DMD: variants seen among roughly 807,000 people sequenced by gnomAD.
The protein encoded by DMD is dystrophin, also known as mutant dystrophin.
A neutral mutation model predicts 330.1 loss-of-function variants in DMD; 63 were observed. The observed-to-expected ratio is 0.19, with a 90% CI of 0.16 to 0.24. The LOEUF is 0.24. DMD is among the 10% of genes least tolerant of loss of function. The pLI is 1.00. For synonymous variants in DMD, 1,223 were observed against 959.8 expected (o/e 1.27, Z -5.07); for missense variants, 3,344 against 2,684.1 (o/e 1.25, Z -5.43).
At chrX:31,999,627 G>A (rs896268909) in intron 44 of DMD, among the ~76,000 whole-genome samples, 2 of 111,649 alleles carry the variant, frequency 1.8e-5, no homozygotes, top group Admixed American at 9.5e-5. Context: ...GGATTACTTT[G>A]AAACAATCTC....
chrX:31,988,729 G>C (rs1190327665), intron 44 of DMD, among the ~76,000 whole-genome samples: 3 of 109,956 alleles, frequency 2.7e-5, no homozygotes, highest in Non-Finnish European at 5.7e-5. Context: ...GTGATATTTA[G>C]AGAAATTATA....
At chrX:31,675,525 G>C (rs1305217222) in intron 53 of DMD, among the ~76,000 whole-genome samples, 2 of 110,883 alleles carry the variant, frequency 1.8e-5, no homozygotes, top group Non-Finnish European at 3.8e-5. Flanking sequence ...ACCACGCCAG[G>C]CTAGTTTTTG....
At chrX:31,897,028 T>C (rs1358182044) in intron 47 of DMD, among the ~76,000 whole-genome samples, 2 of 110,461 alleles carry the variant, frequency 1.8e-5, no homozygotes, top group African/African-American at 3.3e-5. Context: ...CCCACTAACT[T>C]GTCATCTAGC....
chrX:32,210,717 TACTGTC>T (rs1264981583), intron 44 of DMD, among the ~76,000 whole-genome samples: 2 of 111,859 alleles, frequency 1.8e-5, no homozygotes, highest in Non-Finnish European at 3.8e-5. Flanking sequence ...CTGTAGCAGA[TACTGTC>T]AGTGACCTAT....
chrX:31,376,201 G>C (rs16989582), intron 60 of DMD, among the ~76,000 whole-genome samples: 9,477 of 111,871 alleles, frequency 0.085, 1,005 homozygotes, highest in African/African-American at 0.29. Flanking sequence ...TAACAAAACA[G>C]ATCTCTTTAA....
chrX:32,099,754 AG>A (rs1209994826), intron 44 of DMD, among the ~76,000 whole-genome samples: 1 of 46,520 alleles, frequency 2.1e-5, no homozygotes, highest in African/African-American at 9.3e-5. Context: ...GGGTGGGGGG[AG>A]GGGGGAGGGA....
At chrX:33,171,811 C>T (rs184446954) in intron 1 of DMD, among the ~76,000 whole-genome samples, 202 of 111,384 alleles carry the variant, frequency 1.8e-3, no homozygotes, top group African/African-American at 6.1e-3. Context: ...AGAAAATGAA[C>T]TGACATTTAT....
intron 1 of DMD, among the ~76,000 whole-genome samples, chrX:33,282,653 G>C (rs1279497329): frequency 6.2e-5 from 7 of 112,120 alleles, no homozygotes; most frequent in Admixed American, 2.8e-4. Context: ...GAGCATGGTA[G>C]TCCTAAATCC....
intron 74 of DMD, among the ~76,000 whole-genome samples, chrX:31,162,777 A>G (rs1319630451): frequency 8.9e-6 from 1 of 111,982 alleles, no homozygotes; most frequent in Non-Finnish European, 1.9e-5. Flanking sequence ...ATAAACTTTC[A>G]TTCTGGGTTA....
At chrX:33,314,246 A>G (rs1250864814) in intron 1 of DMD, among the ~76,000 whole-genome samples, 3 of 110,295 alleles carry the variant, frequency 2.7e-5, no homozygotes, top group African/African-American at 9.9e-5. Context: ...TTAAATGTAC[A>G]TATATTTTTT....
rs1224754565 is a variant in DMD, at chrX:31,429,873, G to T, written c.9084+14608C>A. ...ATTAGTGTGGTCAAATTTTAAGAAG[G>T]TTTTTTTTTTTTTTAAGTTGAGATT... is the stretch of plus-strand genomic sequence containing the variant. On this transcript the variant is annotated intron_variant, in intron 60 of 78. Coordinates refer to ENST00000357033, the MANE Select transcript of DMD (RefSeq NM_004006.3). 4.9e-5 allele frequency among the ~76,000 whole-genome samples: 5 copies of T among 101,117 alleles called. No individual in the cohort carries two copies. In the South Asian group the frequency reaches 1.8e-3, roughly 36 times the overall value. 87.8% of individuals were successfully genotyped at this position (101,117 alleles called of 115,157 possible).
chrX:32,389,046 A>C (rs2097981688), intron 32 of DMD, among the ~76,000 whole-genome samples: 2 of 111,518 alleles, frequency 1.8e-5, no homozygotes, highest in South Asian at 7.4e-4. Context: ...CTGAATTGGA[A>C]TCTTGCTTTG....
intron 7 of DMD, 68 bp from the exon 8 acceptor site, chrX:32,699,361 ACAAAT>A: frequency 3.4e-6 from 3 of 882,444 alleles, no homozygotes. Context: ...AGGATAATGA[ACAAAT>A]CAAAGTTAAA....
intron 36 of DMD, among the ~76,000 whole-genome samples, chrX:32,363,606 G>C (rs2097844694): frequency 8.9e-6 from 1 of 111,836 alleles, no homozygotes; most frequent in African/African-American, 3.2e-5. Flanking sequence ...TGACATCTCT[G>C]ACTATACATC....
At chrX:33,290,830 C>T (rs1449442771) in intron 1 of DMD, among the ~76,000 whole-genome samples, 3 of 111,225 alleles carry the variant, frequency 2.7e-5, no homozygotes, top group Non-Finnish European at 5.7e-5. Flanking sequence ...CCTCCTTCAT[C>T]CTTAAAAAAG....
intron 1 of DMD, among the ~76,000 whole-genome samples, chrX:33,087,225 T>C (rs898633100): frequency 8.9e-6 from 1 of 112,178 alleles, no homozygotes; most frequent in Non-Finnish European, 1.9e-5. Context: ...GTAGGCTAAA[T>C]TAAAGTTGTT....
At chrX:31,711,130 T>TTATA (rs1373534106) in intron 52 of DMD, among the ~76,000 whole-genome samples, 1 of 111,234 alleles carries the variant, frequency 9.0e-6, no homozygotes, top group African/African-American at 3.3e-5. Context: ...TTTCATGTCT[T>TTATA]TATAAAGTTC....
At chrX:33,207,937 G>A (rs375625039) in intron 1 of DMD, among the ~76,000 whole-genome samples, 1 of 111,116 alleles carries the variant, frequency 9.0e-6, no homozygotes, top group African/African-American at 3.3e-5. Context: ...ATTCCAATAC[G>A]AACCAACTGC....
chrX:31,910,517 G>A (rs763533588), intron 47 of DMD, among the ~76,000 whole-genome samples: 8 of 112,262 alleles, frequency 7.1e-5, no homozygotes, highest in Admixed American at 1.9e-4. Context: ...TCCTTGGACC[G>A]TCTAGTGCAG....
Sources: allele counts gnomAD v4.1 joint callset (sites outside exome capture counted in the v4.1 genomes callset), GRCh38; gene constraint gnomAD v4.1.1; transcripts MANE v1.5; gene names NCBI Gene and HGNC (gene_info 2026-07-23, HGNC 2026-07-21).